The following C16orf96 variants were observed in gnomAD, a reference collection of about 807,000 sequenced individuals.
C16orf96 encodes chromosome 16 open reading frame 96.
A neutral mutation model predicts 103.6 loss-of-function variants in C16orf96; 108 were observed. The ratio of observed to expected loss-of-function variants is 1.04; its 90% CI spans 0.89 to 1.22. The LOEUF is 1.22. C16orf96 is among the 50% of genes most tolerant of loss of function. The probability of loss-of-function intolerance (pLI) is 0.00; values close to 1 mark genes in which losing one functional copy is unlikely to be tolerated. For synonymous variants in C16orf96, 566 were observed against 593.5 expected (o/e 0.95, Z 0.67); for missense variants, 1,586 against 1,464.2 (o/e 1.08, Z -1.36).
chr16:4,559,104 G>A (rs1009407149), intron 1 of C16orf96, among the ~76,000 whole-genome samples: 8 of 151,930 alleles, frequency 5.3e-5, no homozygotes, highest in African/African-American at 1.9e-4. Context: ...ACCATCCAGC[G>A]ATGACTGCCT....
intron 7 of C16orf96, among the ~76,000 whole-genome samples, chr16:4,584,130 A>C (rs899399071): frequency 6.6e-6 from 1 of 152,090 alleles, no homozygotes; most frequent in Non-Finnish European, 1.5e-5. Context: ...GCAGGATGGG[A>C]GCAAGATCTC....
chr16:4,557,051 C>G (rs2059273184), intron 1 of C16orf96, 142 bp downstream of exon 1: 1 of 918,592 alleles, frequency 1.1e-6, no homozygotes, highest in Non-Finnish European at 1.6e-6. Flanking sequence ...CTCACTGCAA[C>G]CTCCGCCTCC....
chr16:4,587,374 A>G (rs1306264695), intron 8 of C16orf96, among the ~76,000 whole-genome samples: 1 of 152,134 alleles, frequency 6.6e-6, no homozygotes, highest in Non-Finnish European at 1.5e-5. Flanking sequence ...GTCAAAATAC[A>G]AAAAGTAGCC....
In C16orf96 at chr16:4,593,431, C is replaced by G; in HGVS notation, c.2867+115C>G. The G allele has an allele frequency of 9.6e-7, 1 of 1,042,890 alleles. No homozygotes were observed. Among genetic ancestry groups the G allele is most frequent in the Non-Finnish European group, 1.4e-6 (1 of 710,666 alleles). 64.6% of individuals were successfully genotyped at this position (1,042,890 alleles called of 1,614,324 possible). A position where few individuals can be genotyped will look rare whatever the true frequency, so the allele number is the denominator to read the frequency against. ...CCAGGCCCAGGGACCTAAGATTGTCCTGGACATGGCCAGCCCTTCGCAAGA... is the reference window on the plus strand; with the variant it reads ...CCAGGCCCAGGGACCTAAGATTGTCGTGGACATGGCCAGCCCTTCGCAAGA... On this transcript the variant is annotated intron_variant, in intron 12 of 15. Transcript: ENST00000444310. The surrounding 1 kb of genome is among the most constrained non-coding windows in gnomAD (Gnocchi z 4.2).
At chr16:4,540,308 T>G in the C16orf96 span, among the ~76,000 whole-genome samples, 1 of 152,144 alleles carries the variant, frequency 6.6e-6, no homozygotes. Context: ...GGCAGGGGCA[T>G]GAAATTGAAA....
At chr16:4,596,687 C>CAAAT (rs1053910419) in intron 14 of C16orf96, among the ~76,000 whole-genome samples, 2 of 151,690 alleles carry the variant, frequency 1.3e-5, no homozygotes, top group Admixed American at 1.3e-4. Flanking sequence ...GTCTCAAAAA[C>CAAAT]AAACAAACAA....
At chr16:4,579,295 G>A (rs2059553752) in intron 6 of C16orf96, among the ~76,000 whole-genome samples, 1 of 152,106 alleles carries the variant, frequency 6.6e-6, no homozygotes, top group Non-Finnish European at 1.5e-5. Context: ...GCTCATACCT[G>A]TAATCCCAAC....
intron 5 of C16orf96, among the ~76,000 whole-genome samples, chr16:4,577,329 G>A (rs1032741441): frequency 2.0e-5 from 3 of 152,170 alleles, no homozygotes; most frequent in Non-Finnish European, 4.4e-5. Flanking sequence ...CTGGAAGTTC[G>A]AGACCACCCT....
chr16:4,594,116 G>A (rs1483490579), intron 12 of C16orf96, among the ~76,000 whole-genome samples: 1 of 152,212 alleles, frequency 6.6e-6, no homozygotes, highest in Non-Finnish European at 1.5e-5. Context: ...TCAGGCCAGG[G>A]GTCCAAAGGG....
chr16:4,549,326 A>G, the C16orf96 span, among the ~76,000 whole-genome samples: 1 of 152,038 alleles, frequency 6.6e-6, no homozygotes, highest in South Asian at 2.1e-4. Flanking sequence ...TAGAAAAATT[A>G]GCCAGGCGTG....
At chr16:4,561,907 C>A (rs2059336252) in intron 1 of C16orf96, among the ~76,000 whole-genome samples, 2 of 152,190 alleles carry the variant, frequency 1.3e-5, no homozygotes, top group Admixed American at 1.3e-4. Context: ...TAATAATAAC[C>A]TCTTGCAGCT....
In C16orf96 at chr16:4,594,148, T is replaced by TGA. The variant is rs1897118883; in HGVS notation, c.2868-202_2868-201insAG. Among the ~76,000 whole-genome samples the TGA allele has an allele frequency of 4.6e-5, 7 of 152,204 alleles. No homozygotes were observed. The South Asian group carries it at 1.4e-3, about 31-fold the overall frequency. On this transcript the variant is annotated intron_variant, in intron 12 of 15. Transcript: ENST00000444310. The stretch of plus-strand genomic sequence containing the variant: ...AGGGAAATGGCTGGGTCTGGGGAAA[T>TGA]GCAGGTCTCAATTTGATTCCTCTGC...
At chr16:4,555,773 T>A (rs1431250061), upstream of C16orf96, among the ~76,000 whole-genome samples, 3 of 151,198 alleles carry the variant, frequency 2.0e-5, no homozygotes, top group South Asian at 4.2e-4. Context: ...CATAGCTCAC[T>A]GTAGCCTCAA....
chr16:4,588,163 C>T lies in C16orf96; in HGVS notation c.2428-4C>T. The T allele has an allele frequency of 2.6e-6, 4 of 1,550,510 alleles. No individual in the cohort carries two copies. Among genetic ancestry groups the T allele is most frequent in the Non-Finnish European group, 3.5e-6 (4 of 1,146,574 alleles). ...ATGCCTCCCTGAACTCCCTGTCTCCCTAGAAAGCTGACAGGAGTGCCCTGG... is the reference window on the plus strand; with the variant it reads ...ATGCCTCCCTGAACTCCCTGTCTCCTTAGAAAGCTGACAGGAGTGCCCTGG... On this transcript the variant is annotated splice_region_variant and splice_polypyrimidine_tract_variant and intron_variant, in intron 8 of 15. Transcript: ENST00000444310.
At position 4,575,545 on chromosome 16, in the gene C16orf96, G is replaced by T; in HGVS notation, c.1065G>T (p.Gly355=). Residue 355 remains glycine (G), a synonymous_variant, in exon 5 of 16, where the codon GGG becomes GGT. Transcript: ENST00000444310. ...TGCCTGCCCTGGGGCCTGTCCCAGG[G>T]CCCAGTGTGACACCTGGGTCCTTGC... is the stretch of plus-strand genomic sequence containing the variant. The part of the protein sequence containing the change: ...EPVPALGPVP[G]PSVTPGSLPA... 1 of 1,538,378 alleles carries T rather than the reference G, an allele frequency of 6.5e-7. No individual in the cohort carries two copies. Among genetic ancestry groups the T allele is most frequent in the Non-Finnish European group, 8.8e-7 (1 of 1,142,800 alleles).
At chr16:4,569,895 T>C (rs2059419137) in intron 1 of C16orf96, among the ~76,000 whole-genome samples, 2 of 152,084 alleles carry the variant, frequency 1.3e-5, no homozygotes, top group Non-Finnish European at 2.9e-5. Flanking sequence ...CAGGAGGACA[T>C]GTTGAAAGCG....
chr16:4,547,689 C>CTTTCTTTCT, the C16orf96 span, among the ~76,000 whole-genome samples: 62 of 22,592 alleles, frequency 2.7e-3, no homozygotes, highest in African/African-American at 3.5e-3. Context: ...TCCTTCCTTC[C>CTTTCTTTCT]TTCTTTCTTT....
intron 7 of C16orf96, among the ~76,000 whole-genome samples, chr16:4,581,157 T>C (rs1327200417): frequency 9.8e-6 from 1 of 101,554 alleles, no homozygotes; most frequent in African/African-American, 4.8e-5. Flanking sequence ...TATATATATA[T>C]ATATATATAT....
At chr16:4,552,696 C>G (rs1852877511), upstream of C16orf96, among the ~76,000 whole-genome samples, 1 of 152,090 alleles carries the variant, frequency 6.6e-6, no homozygotes. Context: ...GAGGGCTGGA[C>G]TGGCTGGGTC....
Sources: allele counts gnomAD v4.1 joint callset (sites outside exome capture counted in the v4.1 genomes callset), GRCh38; gene constraint gnomAD v4.1.1; non-coding constraint Gnocchi (gnomAD v3.1); transcripts MANE v1.5; gene names NCBI Gene and HGNC (gene_info 2026-07-23, HGNC 2026-07-21).